Variants in DNER observed in about 807,000 individuals in gnomAD.
DNER encodes delta and Notch-like epidermal growth factor-related receptor.
Under a neutral mutation model 78.2 loss-of-function variants are expected in DNER, and 33 were observed. That is an observed-to-expected ratio of 0.42 (90% confidence interval 0.32 to 0.56). The LOEUF is 0.56. Among genes scored for constraint, DNER ranks in the 20% least tolerant of loss-of-function variants. DNER has a pLI of 0.11. For missense variants in DNER, 918 were observed against 975.3 expected (o/e 0.94, Z 0.78); for synonymous variants, 417 against 384.8 (o/e 1.08, Z -0.98).
chr2:229,711,935 G>A (rs1473412807), intron 1 of DNER, among the ~76,000 whole-genome samples: 1 of 151,376 alleles, frequency 6.6e-6, no homozygotes, highest in Non-Finnish European at 1.5e-5. Flanking sequence ...TGAGTCTCAA[G>A]TCTTACTGCG....
intron 8 of DNER, among the ~76,000 whole-genome samples, chr2:229,419,535 G>A (rs1693721260): frequency 6.6e-6 from 1 of 152,162 alleles, no homozygotes; most frequent in Admixed American, 6.5e-5. Flanking sequence ...CTAATATGTT[G>A]AACTGCTTTG....
chr2:229,646,953 G>A (rs999747407), intron 1 of DNER, among the ~76,000 whole-genome samples: 2 of 152,250 alleles, frequency 1.3e-5, no homozygotes, highest in Admixed American at 1.3e-4. Flanking sequence ...TGGATCACAA[G>A]GTCAAGAGAT....
chr2:229,627,059 C>T (rs1698357477), intron 1 of DNER, among the ~76,000 whole-genome samples: 2 of 152,158 alleles, frequency 1.3e-5, no homozygotes, highest in Admixed American at 1.3e-4. Context: ...AGTGCATGGT[C>T]CCAATGAATT....
intron 11 of DNER, among the ~76,000 whole-genome samples, chr2:229,375,218 A>G (rs933247021): frequency 2.3e-4 from 35 of 152,348 alleles, no homozygotes; most frequent in African/African-American, 8.2e-4. Context: ...AGTTGTTCAA[A>G]GAGAAAGACA....
In DNER at chr2:229,641,193, C is replaced by T. The variant is rs114531272; in HGVS notation, c.277-49305G>A. On this transcript the variant is annotated intron_variant, in intron 1 of 12. Transcript: ENST00000341772. The stretch of plus-strand genomic sequence containing the variant: ...TCAACAGTTCTAGGGATCACTTTGT[C>T]CAACACGCAGTCGTGAGCAAGGCTG... 4.9e-3 allele frequency among the ~76,000 whole-genome samples: 745 copies of T among 152,174 alleles called. 7 individuals carry two copies. Among genetic ancestry groups the T allele is most frequent in the African/African-American group, 0.017 (692 of 41,520 alleles).
At chr2:229,457,355 T>A (rs1694598216) in intron 7 of DNER, among the ~76,000 whole-genome samples, 1 of 152,036 alleles carries the variant, frequency 6.6e-6, no homozygotes, top group South Asian at 2.1e-4. Context: ...AGAAGGAATA[T>A]ACATAACAAG....
At chr2:229,547,893 G>A (rs1177802575) in intron 4 of DNER, among the ~76,000 whole-genome samples, 2 of 152,144 alleles carry the variant, frequency 1.3e-5, no homozygotes, top group African/African-American at 2.4e-5. Flanking sequence ...CTGGAAAGGA[G>A]AAATAAATAT....
chr2:229,471,128 T>C (rs1331159771), intron 7 of DNER, among the ~76,000 whole-genome samples: 2 of 151,988 alleles, frequency 1.3e-5, no homozygotes, highest in Non-Finnish European at 1.5e-5. Context: ...AGATCATACA[T>C]GTTAGGGTGC....
intron 7 of DNER, among the ~76,000 whole-genome samples, chr2:229,456,236 C>T (rs1055017064): frequency 6.6e-6 from 1 of 151,676 alleles, no homozygotes; most frequent in African/African-American, 2.4e-5. Context: ...GAGAGAAATG[C>T]AGGAGGTGCC....
chr2:229,574,664 A>G (rs143761155), intron 4 of DNER, among the ~76,000 whole-genome samples: 1 of 152,328 alleles, frequency 6.6e-6, no homozygotes, highest in Admixed American at 6.5e-5. Context: ...TATTAATTTC[A>G]TAATAAATAG....
chr2:229,636,057 T>C (rs1223903731), intron 1 of DNER, among the ~76,000 whole-genome samples: 1 of 152,154 alleles, frequency 6.6e-6, no homozygotes, highest in Non-Finnish European at 1.5e-5. Flanking sequence ...GAACCAGGAT[T>C]TGAACCCAGG....
At chr2:229,628,040 G>A (rs1023579761) in intron 1 of DNER, among the ~76,000 whole-genome samples, 15 of 152,128 alleles carry the variant, frequency 9.9e-5, no homozygotes, top group Non-Finnish European at 2.2e-4. Context: ...AATAGAGCAG[G>A]GTAGACCATC....
In DNER at chr2:229,546,822, C is replaced by T. The variant is rs762822633; in HGVS notation, c.993+125G>A. Reference sequence around the variant, plus strand: ...ATAGATAGACAGACAGACAGACAGACAGACAGACAGATAGATAGATAGAGC... The same window carrying T: ...ATAGATAGACAGACAGACAGACAGATAGACAGACAGATAGATAGATAGAGC... On this transcript the variant is annotated intron_variant, in intron 5 of 12. Transcript: ENST00000341772. 3.0e-4 allele frequency: 405 copies of T among 1,365,874 alleles called. 1 individual carries two copies. Among genetic ancestry groups the T allele is most frequent in the African/African-American group, 2.2e-3 (141 of 64,872 alleles). The allele number at this position is 1,365,874 out of a possible 1,614,324, so 84.6% of individuals were successfully genotyped here.
At chr2:229,649,669 T>A (rs1473903867) in intron 1 of DNER, among the ~76,000 whole-genome samples, 1 of 152,206 alleles carries the variant, frequency 6.6e-6, no homozygotes, top group Non-Finnish European at 1.5e-5. Flanking sequence ...TTTGTATTTA[T>A]AACCTACAAC....
intron 1 of DNER, among the ~76,000 whole-genome samples, chr2:229,623,602 A>T (rs1451050917): frequency 6.6e-6 from 1 of 152,216 alleles, no homozygotes; most frequent in Non-Finnish European, 1.5e-5. Context: ...TCAAAACCAC[A>T]ATAAGGAAGA....
chr2:229,699,362 G>A (rs573933510), intron 1 of DNER, among the ~76,000 whole-genome samples: 2 of 152,064 alleles, frequency 1.3e-5, no homozygotes, highest in East Asian at 1.9e-4. Flanking sequence ...AAATTTAATT[G>A]TACTTTTTTT....
At chr2:229,454,654 A>G (rs1694532870) in intron 7 of DNER, among the ~76,000 whole-genome samples, 1 of 151,808 alleles carries the variant, frequency 6.6e-6, no homozygotes, top group African/African-American at 2.4e-5. Context: ...TTCACTAAAG[A>G]GATATCAATA....
chr2:229,439,271 T>C (rs947980797), intron 8 of DNER, among the ~76,000 whole-genome samples: 3 of 152,190 alleles, frequency 2.0e-5, no homozygotes, highest in African/African-American at 7.2e-5. Flanking sequence ...TTGAACCTCA[T>C]ATAAAAAGAA....
chr2:229,705,328 T>C (rs1699809503), intron 1 of DNER, among the ~76,000 whole-genome samples: 1 of 152,244 alleles, frequency 6.6e-6, no homozygotes, highest in Admixed American at 6.5e-5. Context: ...TTTCAGGAAC[T>C]GTGAGCAAAA....
Sources: allele counts gnomAD v4.1 joint callset (sites outside exome capture counted in the v4.1 genomes callset), GRCh38; gene constraint gnomAD v4.1.1; transcripts MANE v1.5; gene names NCBI Gene and HGNC (gene_info 2026-07-23, HGNC 2026-07-21).